Variants in BTG4 observed in about 807,000 individuals in gnomAD.
BTG4 encodes protein BTG4.
In BTG4, 10 loss-of-function variants were observed where a neutral mutation model predicts 19.3. The observed-to-expected ratio is 0.52, with a 90% CI of 0.32 to 0.88. BTG4 has a LOEUF of 0.88. Ranked by LOEUF, BTG4 falls within the 40% of genes least tolerant of loss-of-function variation. The pLI is 0.04. For synonymous variants in BTG4, 91 were observed against 95.7 expected (o/e 0.95, Z 0.29); for missense variants, 238 against 281.9 (o/e 0.84, Z 1.11).
At chr11:111,456,095 A>G in the BTG4 span, among the ~76,000 whole-genome samples, 5 of 152,358 alleles carry the variant, frequency 3.3e-5, no homozygotes, top group Non-Finnish European at 1.5e-5. The surrounding 1 kb of genome is among the most constrained non-coding windows in gnomAD (Gnocchi z 4.2). Context: ...GGAAGAACCA[A>G]GGAAGAAACA....
the BTG4 span, chr11:111,451,182 G>A: frequency 2.5e-5 from 7 of 281,496 alleles, no homozygotes; most frequent in South Asian, 2.3e-4. Flanking sequence ...GCCCTAGAGA[G>A]GAAATGCCCC....
the BTG4 span, among the ~76,000 whole-genome samples, chr11:111,425,390 C>T: frequency 6.6e-6 from 1 of 152,052 alleles, no homozygotes; most frequent in East Asian, 1.9e-4. Context: ...ATAGTCCCTC[C>T]AAGGATACAG....
chr11:111,432,655 G>T, the BTG4 span, among the ~76,000 whole-genome samples: 1 of 81,228 alleles, frequency 1.2e-5, no homozygotes, highest in Non-Finnish European at 2.9e-5. Context: ...AAAAAATAAA[G>T]AAAGAAAATA....
chr11:111,454,131 C>T, the BTG4 span: 2 of 363,764 alleles, frequency 5.5e-6, no homozygotes, highest in East Asian at 7.7e-5. Flanking sequence ...CAAGACTGTG[C>T]CTGGACTGTT....
chr11:111,438,607 C>T, the BTG4 span, among the ~76,000 whole-genome samples: 1 of 152,286 alleles, frequency 6.6e-6, no homozygotes, highest in African/African-American at 2.4e-5. Flanking sequence ...TCTCCATTCT[C>T]ACCCACCACC....
the BTG4 span, among the ~76,000 whole-genome samples, chr11:111,461,473 G>T: frequency 6.6e-6 from 1 of 152,170 alleles, no homozygotes; most frequent in South Asian, 2.1e-4. Context: ...CTAAAACCAC[G>T]TTGTTGGAAG....
chr11:111,497,870 T>C lies in BTG4; in HGVS notation c.311+128A>G, dbSNP rs1231174307. On this transcript the variant is annotated intron_variant, in intron 3 of 4. Coordinates refer to ENST00000692032, the MANE Select transcript of BTG4 (RefSeq NM_001367975.1). Reference sequence around the variant, plus strand: ...GTCTAACAGAAGTTTGCATCTAAAATCTTAACCAAGAAGTATCCCTGCTGC... The same window carrying C: ...GTCTAACAGAAGTTTGCATCTAAAACCTTAACCAAGAAGTATCCCTGCTGC... 7 of 1,050,118 alleles carry C rather than the reference T, an allele frequency of 6.7e-6. No homozygotes were observed. The South Asian group carries it at 1.1e-4, about 17-fold the overall frequency. The allele number at this position is 1,050,118 out of a possible 1,614,324, so 65.1% of individuals were successfully genotyped here.
the BTG4 span, among the ~76,000 whole-genome samples, chr11:111,403,474 A>G: frequency 6.6e-6 from 1 of 152,174 alleles, no homozygotes; most frequent in Admixed American, 6.5e-5. Context: ...AACCCAGTGA[A>G]GCAGTTTATT....
chr11:111,478,046 A>C (rs1388045903), intron 5 of BTG4, among the ~76,000 whole-genome samples: 1 of 152,016 alleles, frequency 6.6e-6, no homozygotes, highest in Admixed American at 6.6e-5. Flanking sequence ...TATCAGTAGA[A>C]ACCACATAGA....
intron 5 of BTG4, among the ~76,000 whole-genome samples, chr11:111,483,991 A>G (rs1261019050): frequency 6.6e-6 from 1 of 152,192 alleles, no homozygotes; most frequent in Non-Finnish European, 1.5e-5. Flanking sequence ...AAATAAGCAA[A>G]TAACATAGAA....
intron 1 of BTG4, among the ~76,000 whole-genome samples, chr11:111,507,621 G>A (rs1866548589): frequency 6.6e-6 from 1 of 152,168 alleles, no homozygotes; most frequent in South Asian, 2.1e-4. Context: ...CAATGCAGCA[G>A]ATTCTCTTGA....
the BTG4 span, chr11:111,455,104 G>A: frequency 6.6e-5 from 30 of 454,358 alleles, no homozygotes; most frequent in Non-Finnish European, 1.3e-4. Flanking sequence ...CTTGGTTCAC[G>A]CCTTCCTCTC....
chr11:111,394,085 C>A, the BTG4 span, among the ~76,000 whole-genome samples: 1 of 152,194 alleles, frequency 6.6e-6, no homozygotes, highest in African/African-American at 2.4e-5. Context: ...TGAAGCCTCA[C>A]AATAGTAGAG....
At chr11:111,468,150 C>A (rs1863829106) in intron 5 of BTG4, among the ~76,000 whole-genome samples, 1 of 152,226 alleles carries the variant, frequency 6.6e-6, no homozygotes, top group South Asian at 2.1e-4. Flanking sequence ...AAGGTTTATA[C>A]TTGACTAGTA....
upstream of BTG4, chr11:111,513,079 G>A (rs1208828434): frequency 4.5e-6 from 2 of 441,092 alleles, no homozygotes; most frequent in Non-Finnish European, 9.8e-6. Context: ...CGCAGCCTTC[G>A]AGAGAAGATG....
At chr11:111,413,594 G>A in the BTG4 span, among the ~76,000 whole-genome samples, 1 of 152,368 alleles carries the variant, frequency 6.6e-6, no homozygotes, top group African/African-American at 2.4e-5. Context: ...GAGAAACAGA[G>A]CTGAGACTTG....
At position 111,495,059 on chromosome 11, in the gene BTG4, C is replaced by A; in HGVS notation, c.*76G>T. On this transcript the variant is annotated 3_prime_UTR_variant, in exon 5 of 5. Transcript: ENST00000692032. ...TTTTTTGTTTCATGGGCCTCTCAAC[C>A]TTAAATTCATTTTTATTTTAGAGAG... 1 of 1,403,150 alleles carries A rather than the reference C, an allele frequency of 7.1e-7. No homozygotes were observed. The highest frequency in any genetic ancestry group is 9.3e-7 in the Non-Finnish European group (1 of 1,080,418). The allele number at this position is 1,403,150 out of a possible 1,614,324, so 86.9% of individuals were successfully genotyped here.
At chr11:111,389,724 G>A in the BTG4 span, among the ~76,000 whole-genome samples, 1 of 152,134 alleles carries the variant, frequency 6.6e-6, no homozygotes. Flanking sequence ...TTTAGAAAAA[G>A]GTATAATAAA....
the BTG4 span, among the ~76,000 whole-genome samples, chr11:111,395,958 C>G: frequency 6.6e-6 from 1 of 152,244 alleles, no homozygotes; most frequent in African/African-American, 2.4e-5. Context: ...CTCGCAGAAG[C>G]CGCCCCGGAG....
Sources: gnomAD v4.1 joint callset for allele counts (sites outside exome capture counted in the v4.1 genomes callset) on GRCh38, gnomAD v4.1.1 for gene constraint, Gnocchi (gnomAD v3.1) non-coding constraint, MANE v1.5 for transcripts, NCBI Gene and HGNC (gene_info 2026-07-23, HGNC 2026-07-21) for gene names.